The following CACNA1I variants were observed in gnomAD, a reference collection of about 807,000 sequenced individuals.
CACNA1I encodes the protein voltage-dependent T-type calcium channel subunit alpha-1I.
CACNA1I carries 74 observed loss-of-function variants against 201.6 expected under a neutral mutation model. That is an observed-to-expected ratio of 0.37 (90% CI 0.30 to 0.45). The LOEUF (loss-of-function observed/expected upper bound fraction) is 0.45. Among genes scored for constraint, CACNA1I ranks in the 20% least tolerant of loss-of-function variants. The pLI is 1.00. For missense variants in CACNA1I, 2,346 were observed against 3,138.1 expected, an observed-to-expected ratio of 0.75 and a Z score of 6.03; for synonymous variants, 1,431 against 1,345.2, an observed-to-expected ratio of 1.06 and a Z score of -1.40.
In CACNA1I at chr22:39,665,390, G is replaced by A; in HGVS notation, c.3852-108G>A. 7.4e-7 allele frequency: 1 copy of A among 1,348,034 alleles called. No individual in the cohort carries two copies. Among genetic ancestry groups the A allele is most frequent in the East Asian group, 2.4e-5 (1 of 42,514 alleles). The allele number at this position is 1,348,034 out of a possible 1,614,324, so 83.5% of individuals were successfully genotyped here. Reference sequence around the variant, plus strand: ...AGGGTGTTCAGCCCTGGTGAGCCCTGGGGACTCATGCCCTGGGATACTCAG... The same window carrying A: ...AGGGTGTTCAGCCCTGGTGAGCCCTAGGGACTCATGCCCTGGGATACTCAG... On this transcript the variant is annotated intron_variant, in intron 21 of 36. Coordinates refer to ENST00000402142, the MANE Select transcript of CACNA1I (RefSeq NM_021096.4). The surrounding 1 kb of genome is among the most constrained non-coding windows in gnomAD (Gnocchi z 5.5).
At chr22:39,636,017 G>A (rs1174921190) in intron 5 of CACNA1I, among the ~76,000 whole-genome samples, 1 of 152,204 alleles carries the variant, frequency 6.6e-6, no homozygotes, top group Non-Finnish European at 1.5e-5. Context: ...ACCACAGCAG[G>A]GGCACCTGGG....
chr22:39,670,607 C>T (rs750251716), intron 25 of CACNA1I, among the ~76,000 whole-genome samples, 196 bp from the exon 26 acceptor site: 21 of 152,148 alleles, frequency 1.4e-4, no homozygotes, highest in Non-Finnish European at 2.2e-4. Context: ...TTCTTTGTCA[C>T]CCTTCTCCAC....
rs757696164 is a variant in CACNA1I at position 39,668,342 on chromosome 22, C to T, written c.4155C>T (p.Ile1385=). ...CATCCAAGGATGGTTGGGTGAACAT[C>T]ATGTACAATGGACTGGATGCTGTTG... ...VLASKDGWVN[I]MYNGLDAVAV... Residue 1385 remains isoleucine (I), a synonymous_variant, in exon 24 of 37, where the codon ATC becomes ATT. Transcript: ENST00000402142. The T allele has an allele frequency of 3.7e-6, 6 of 1,613,450 alleles. No homozygotes were observed. The Admixed American group carries it at 1.0e-4, about 27-fold the overall frequency.
At chr22:39,682,699 C>A (rs1305006272) in intron 35 of CACNA1I, 38 bp downstream of exon 35, 10 of 1,567,770 alleles carry the variant, frequency 6.4e-6, no homozygotes, top group Admixed American at 1.8e-5. Flanking sequence ...CCACAGCCCT[C>A]ATCTTGGGCA....
chr22:39,680,345 C>T (rs1470207996), intron 33 of CACNA1I, among the ~76,000 whole-genome samples: 1 of 152,186 alleles, frequency 6.6e-6, no homozygotes, highest in African/African-American at 2.4e-5. Flanking sequence ...CGCAGTTAGC[C>T]CCCTCCCCTC....
At chr22:39,671,025 G>A (rs1282025469) in intron 26 of CACNA1I, 71 bp downstream of exon 26, 2 of 1,427,084 alleles carry the variant, frequency 1.4e-6, no homozygotes, top group South Asian at 1.2e-5. Flanking sequence ...CCCCACCCCA[G>A]GGATAGGGTG....
chr22:39,582,746 C>T (rs976868082), intron 1 of CACNA1I, among the ~76,000 whole-genome samples: 2 of 134,520 alleles, frequency 1.5e-5, no homozygotes, highest in African/African-American at 5.6e-5. Flanking sequence ...CCCCATACAC[C>T]CCCCCACCCA....
chr22:39,604,223 G>A (rs1043905183), intron 3 of CACNA1I, among the ~76,000 whole-genome samples: 3 of 152,142 alleles, frequency 2.0e-5, no homozygotes, highest in Non-Finnish European at 2.9e-5. Flanking sequence ...ATTGCTTAGC[G>A]ATTCTTTCCT....
rs910208312 is a variant in CACNA1I at position 39,640,886 on chromosome 22, C to T, written c.760C>T (p.Pro254Ser). The T allele has an allele frequency of 1.2e-6, 2 of 1,613,038 alleles. No individual in the cohort carries two copies. The highest frequency in any genetic ancestry group is 1.7e-6 in the Non-Finnish European group (2 of 1,179,420). Residue 254 changes from proline (P) to serine (S), a missense_variant, in exon 6 of 37, where the codon CCC becomes TCC. This residue lies in a region of CACNA1I where 227 missense variants were observed against 412.5 expected (regional missense o/e 0.55). Coordinates refer to ENST00000402142, the MANE Select transcript of CACNA1I (RefSeq NM_021096.4). ...GGACAGACAAGGGGATGTGGCCTTG[C>T]CCCCATACTACCAGCCGGAGGAGGA... ...NFTIQGDVAL[P>S]PYYQPEEDDE...
chr22:39,670,980 C>G, intron 26 of CACNA1I, 26 bp downstream of exon 26: 1 of 1,610,920 alleles, frequency 6.2e-7, no homozygotes, highest in South Asian at 1.1e-5. Context: ...CCTCCCAGCC[C>G]AAGGTTACAA....
chr22:39,570,836 C>T lies in CACNA1I; in HGVS notation c.84C>T (p.Pro28=). 3 of 1,613,598 alleles carry T rather than the reference C, an allele frequency of 1.9e-6. No homozygotes were observed. In the South Asian group the frequency reaches 3.3e-5, roughly 18 times the overall value. The change falls in exon 1 of 37, where the codon CCC becomes CCT. Residue 28 remains proline, a synonymous_variant. Transcript: ENST00000402142. Reference sequence around the variant, plus strand: ...GAGTCACCACGGAGCAGCCCGGACCCCGGAGCCCCCCATCCTCCCCGCCAG... The same window carrying T: ...GAGTCACCACGGAGCAGCCCGGACCTCGGAGCCCCCCATCCTCCCCGCCAG... ...EPGVTTEQPG[P]RSPPSSPPGL...
chr22:39,642,374 C>T (rs1302232051), intron 6 of CACNA1I, among the ~76,000 whole-genome samples: 2 of 152,044 alleles, frequency 1.3e-5, no homozygotes, highest in South Asian at 2.1e-4. Context: ...AGCCTCATTG[C>T]GGTGTGCACT....
intron 7 of CACNA1I, among the ~76,000 whole-genome samples, chr22:39,643,266 G>C (rs1017771654): frequency 2.6e-5 from 4 of 152,210 alleles, no homozygotes; most frequent in Admixed American, 6.5e-5. Flanking sequence ...TGTTTTCCTG[G>C]ACGGAGAAGA....
rs865799928 is a variant in CACNA1I at position 39,660,446 on chromosome 22, G to A, written c.2698+9G>A. The A allele has an allele frequency of 1.8e-5, 29 of 1,601,008 alleles. 2 individuals carry two copies. The South Asian group carries it at 2.6e-4, about 14-fold the overall frequency. ...CCTGGACAGCAGCGGAGGTAAACAG[G>A]CCCTCGCTTGTCACCTAGAGAGCCC... On this transcript the variant is annotated intron_variant, in intron 15 of 36. Transcript: ENST00000402142.
rs59597702 is a variant in CACNA1I at position 39,649,649 on chromosome 22, G to A, written c.1716G>A (p.Ser572=). The A allele has an allele frequency of 3.2e-3, 4,838 of 1,515,366 alleles. 128 individuals are homozygous for A. In the African/African-American group the frequency reaches 0.055, roughly 17 times the overall value. The allele number at this position is 1,515,366 out of a possible 1,614,324, so 93.9% of individuals were successfully genotyped here. A position where few individuals can be genotyped will look rare whatever the true frequency, so the allele number is the denominator to read the frequency against. Residue 572 remains serine (S), a synonymous_variant, in exon 10 of 37, where the codon TCG becomes TCA. Transcript: ENST00000402142. This position sits in a 1 kb window ranked among gnomAD's most constrained non-coding sequence, Gnocchi z 7.3. ...CCTCGGGCCTGGGCAGCACCGACTCGGGCCAGGAGGGCTCGGGCTCCGGGA... is the reference window on the plus strand; with the variant it reads ...CCTCGGGCCTGGGCAGCACCGACTCAGGCCAGGAGGGCTCGGGCTCCGGGA... The part of the protein sequence containing the change: ...RRPSGLGSTD[S]GQEGSGSGSS...
intron 1 of CACNA1I, among the ~76,000 whole-genome samples, chr22:39,596,181 C>T (rs943444600): frequency 9.9e-4 from 8 of 8,084 alleles, no homozygotes; most frequent in Middle Eastern, 0.1. Flanking sequence ...GGGGGCAGGG[C>T]GGAGGGAGAT....
intron 1 of CACNA1I, among the ~76,000 whole-genome samples, chr22:39,585,439 G>C (rs1475207346): frequency 7.4e-6 from 1 of 135,938 alleles, no homozygotes; most frequent in Non-Finnish European, 1.5e-5. Context: ...ACCCAGGCTG[G>C]AGTGCAGTGG....
In CACNA1I at chr22:39,686,374, C is replaced by T. The variant is rs1410154484; in HGVS notation, c.6641C>T (p.Pro2214Leu). ...PPQPLPGELE[P>L]GDAASKRKR ...CAACCGCTCCCCGGAGAGCTGGAGC[C>T]GGGAGACGCCGCCAGCAAGAGGAAG... The change falls in exon 37 of 37, where the codon CCG becomes CTG. Residue 2214 changes from proline (P) to leucine (L), a missense_variant. Pro to Leu is a moderately conservative substitution (Grantham distance 98). This residue lies in a region of CACNA1I where 187 missense variants were observed against 151.0 expected (regional missense o/e 1.24). Coordinates refer to ENST00000402142, the MANE Select transcript of CACNA1I (RefSeq NM_021096.4). 18 of 1,301,864 alleles carry T rather than the reference C, an allele frequency of 1.4e-5. No homozygotes were observed. The highest frequency in any genetic ancestry group is 2.9e-4 in the Middle Eastern group (1 of 3,456). The allele number at this position is 1,301,864 out of a possible 1,614,324, so 80.6% of individuals were successfully genotyped here. A position where few individuals can be genotyped will look rare whatever the true frequency, so the allele number is the denominator to read the frequency against.
Position 39,619,689 on chromosome 22 carries a change from C to T in CACNA1I, c.580+282C>T, listed in dbSNP as rs558012739. 9.6e-4 allele frequency among the ~76,000 whole-genome samples: 146 copies of T among 152,174 alleles called. 1 individual carries two copies. The highest frequency in any genetic ancestry group is 2.6e-3 in the African/African-American group (106 of 41,496). On this transcript the variant is annotated intron_variant, in intron 4 of 36. Coordinates refer to ENST00000402142, the MANE Select transcript of CACNA1I (RefSeq NM_021096.4). ...GCTGGGGAGTCTGGCTTTTCAGGGA[C>T]GAAGAGTTTATGGGAGAGTGGTCTT...
Sources: allele counts gnomAD v4.1 joint callset (sites outside exome capture counted in the v4.1 genomes callset), GRCh38; gene constraint gnomAD v4.1.1; regional missense constraint gnomAD v4.1.1; non-coding constraint Gnocchi (gnomAD v3.1); transcripts MANE v1.5; gene names NCBI Gene and HGNC (gene_info 2026-07-23, HGNC 2026-07-21).